The following CADM1 variants were observed in gnomAD, a reference collection of about 807,000 sequenced individuals.
CADM1 encodes TSLC-1.
Under a neutral mutation model 53.1 loss-of-function variants are expected in CADM1, and 15 were observed. The observed-to-expected ratio is 0.28, with a 90% confidence interval of 0.19 to 0.44. CADM1 has a LOEUF of 0.44. CADM1 is among the 20% of genes least tolerant of loss of function. The pLI is 1.00. For synonymous variants in CADM1, 281 were observed against 243.0 expected (o/e 1.16, Z -1.45); for missense variants, 434 against 611.3 (o/e 0.71, Z 3.06).
At chr11:115,389,764 AT>A (rs1011279330) in intron 1 of CADM1, among the ~76,000 whole-genome samples, 12 of 151,764 alleles carry the variant, frequency 7.9e-5, no homozygotes, top group Non-Finnish European at 1.6e-4. Flanking sequence ...TTCATGGATG[AT>A]TTTTTTTCTC....
In CADM1 at chr11:115,175,333, C is replaced by T; in HGVS notation, c.*1141G>A. ...TGACAAATATCTGTAATATACAGTA[C>T]ATGCAGGCCACATCCTACTGCCTTC... On this transcript the variant is annotated 3_prime_UTR_variant, in exon 12 of 12. Coordinates refer to ENST00000331581, the MANE Select transcript of CADM1 (RefSeq NM_001301043.2). 1 of 971,558 alleles carries T rather than the reference C, an allele frequency of 1.0e-6. No homozygotes were observed. Among genetic ancestry groups the T allele is most frequent in the South Asian group, 4.8e-5 (1 of 20,736 alleles). 60.2% of individuals were successfully genotyped at this position (971,558 alleles called of 1,614,324 possible).
intron 5 of CADM1, among the ~76,000 whole-genome samples, chr11:115,221,422 G>T (rs909280620): frequency 1.3e-5 from 2 of 152,022 alleles, no homozygotes; most frequent in African/African-American, 4.8e-5. Context: ...GAGGCTTTAG[G>T]TCACACTACA....
intron 9 of CADM1, among the ~76,000 whole-genome samples, chr11:115,196,963 G>A (rs1203518964): frequency 1.3e-5 from 2 of 152,286 alleles, no homozygotes; most frequent in East Asian, 3.9e-4. Flanking sequence ...CATTACCTTA[G>A]AAAGTGGAAG....
At chr11:115,293,208 G>A (rs1943954350) in intron 1 of CADM1, among the ~76,000 whole-genome samples, 2 of 152,144 alleles carry the variant, frequency 1.3e-5, no homozygotes. Flanking sequence ...CAAGGTGGGT[G>A]GATCCCGGGG....
intron 1 of CADM1, among the ~76,000 whole-genome samples, chr11:115,490,398 T>TA (rs1412896283): frequency 2.4e-4 from 35 of 145,914 alleles, no homozygotes; most frequent in African/African-American, 8.4e-4. Context: ...ACAGATTTTT[T>TA]TTTTTTTTTT....
At chr11:115,387,584 G>A (rs1221006221) in intron 1 of CADM1, among the ~76,000 whole-genome samples, 3 of 152,048 alleles carry the variant, frequency 2.0e-5, no homozygotes, top group Non-Finnish European at 1.5e-5. Context: ...GTAGTAGTAT[G>A]GGTGACATAA....
rs370587988 is a variant in CADM1, at chr11:115,234,480, CTG to C, written c.425-2992_425-2991del. 3.2e-3 allele frequency among the ~76,000 whole-genome samples: 493 copies of C among 152,254 alleles called. 3 individuals are homozygous for C. The highest frequency in any genetic ancestry group is 0.014 in the Middle Eastern group (4 of 294). ...ACAACTGCAACAGATAAATTCTACT[CTG>C]TAACTCTTCAGAGTGAGTCCTGAAC... On this transcript the variant is annotated intron_variant, in intron 3 of 11. Transcript: ENST00000331581.
chr11:115,461,642 AG>A (rs1332855886), intron 1 of CADM1, among the ~76,000 whole-genome samples: 3 of 152,220 alleles, frequency 2.0e-5, no homozygotes, highest in African/African-American at 7.2e-5. Context: ...GAGCTATGAA[AG>A]GAAAAAGAAA....
chr11:115,307,517 A>T (rs866376424), intron 1 of CADM1, among the ~76,000 whole-genome samples: 3,236 of 144,282 alleles, frequency 0.022, 42 homozygotes, highest in Non-Finnish European at 0.032. Context: ...GGAAAAAAAA[A>T]ATATATATAT....
intron 1 of CADM1, among the ~76,000 whole-genome samples, chr11:115,356,260 A>T (rs1172766515): frequency 6.7e-6 from 1 of 148,504 alleles, no homozygotes; most frequent in Non-Finnish European, 1.5e-5. Flanking sequence ...TATATAATAC[A>T]TATTATATAA....
chr11:115,265,258 T>C (rs1235731961), intron 1 of CADM1, among the ~76,000 whole-genome samples: 2 of 152,146 alleles, frequency 1.3e-5, no homozygotes, highest in Non-Finnish European at 2.9e-5. Flanking sequence ...CCTTTTCTCA[T>C]GAGGAAAGGA....
At chr11:115,418,451 A>G (rs1947665510) in intron 1 of CADM1, among the ~76,000 whole-genome samples, 1 of 152,150 alleles carries the variant, frequency 6.6e-6, no homozygotes, top group Non-Finnish European at 1.5e-5. Context: ...GCTTCCAAAA[A>G]AATTCTATTA....
intron 1 of CADM1, among the ~76,000 whole-genome samples, chr11:115,463,575 T>C (rs1033259182): frequency 6.6e-6 from 1 of 152,214 alleles, no homozygotes; most frequent in Non-Finnish European, 1.5e-5. Context: ...CAGATTTGCC[T>C]TCCTTTCCTT....
intron 3 of CADM1, among the ~76,000 whole-genome samples, chr11:115,237,729 T>G (rs1294306656): frequency 6.6e-6 from 1 of 152,070 alleles, no homozygotes; most frequent in Non-Finnish European, 1.5e-5. Flanking sequence ...TGCAGTAGAG[T>G]AAGCTTGTCT....
chr11:115,324,464 G>T (rs1037931201), intron 1 of CADM1, among the ~76,000 whole-genome samples: 3 of 151,782 alleles, frequency 2.0e-5, no homozygotes, highest in Admixed American at 6.6e-5. Flanking sequence ...ATATACTACA[G>T]AGCCCCAATC....
chr11:115,325,759 C>T (rs776019731), intron 1 of CADM1, among the ~76,000 whole-genome samples: 3 of 152,166 alleles, frequency 2.0e-5, no homozygotes, highest in Non-Finnish European at 2.9e-5. Context: ...GCTGAATACA[C>T]AGTCCACTCA....
At chr11:115,198,795 C>T (rs1384187305) in intron 8 of CADM1, among the ~76,000 whole-genome samples, 1 of 152,180 alleles carries the variant, frequency 6.6e-6, no homozygotes, top group Non-Finnish European at 1.5e-5. Flanking sequence ...CATCAAGGCT[C>T]AGGACTGCGA....
chr11:115,461,933 G>T (rs939676562), intron 1 of CADM1, among the ~76,000 whole-genome samples: 5 of 152,114 alleles, frequency 3.3e-5, no homozygotes, highest in African/African-American at 9.7e-5. Context: ...ACTTGAAGTT[G>T]TGAGAGGGAA....
intron 1 of CADM1, among the ~76,000 whole-genome samples, chr11:115,438,564 C>G (rs747138772): frequency 6.6e-6 from 1 of 152,044 alleles, no homozygotes; most frequent in Non-Finnish European, 1.5e-5. Flanking sequence ...GGCCTCTTGT[C>G]TAACTTATTT....
Sources: allele counts gnomAD v4.1 joint callset (sites outside exome capture counted in the v4.1 genomes callset), GRCh38; gene constraint gnomAD v4.1.1; transcripts MANE v1.5; gene names NCBI Gene and HGNC (gene_info 2026-07-23, HGNC 2026-07-21).